DPF3: variants seen among roughly 807,000 people sequenced by gnomAD.
DPF3 encodes zinc finger protein DPF3.
Under a neutral mutation model 56.8 loss-of-function variants are expected in DPF3, and 18 were observed. That is an observed-to-expected ratio of 0.32 (90% confidence interval 0.22 to 0.47). The LOEUF is 0.47. Among genes scored for constraint, DPF3 ranks in the 20% least tolerant of loss-of-function variants. The probability of loss-of-function intolerance (pLI) is 1.00; values close to 1 mark genes in which losing one functional copy is unlikely to be tolerated. For missense variants in DPF3, 403 were observed against 488.8 expected (o/e 0.82, Z 1.65); for synonymous variants, 188 against 180.2 (o/e 1.04, Z -0.35).
At position 72,610,114 on chromosome 14, in the gene DPF3, A is replaced by G. The variant is rs1567173157; in HGVS notation, c.*9183T>C. Among the ~76,000 whole-genome samples the G allele has an allele frequency of 6.6e-6, 1 of 152,202 alleles. No homozygotes were observed. On this transcript the variant is annotated 3_prime_UTR_variant, in exon 11 of 11. Coordinates refer to ENST00000556509, the MANE Select transcript of DPF3 (RefSeq NM_001280542.3). ...AAGCATTTTGGAATGATGGGGATAA[A>G]ATGTTGCAGTGGCTTCCCTCTCTGG...
At chr14:72,873,313 C>T (rs1222678839) in intron 1 of DPF3, among the ~76,000 whole-genome samples, 2 of 152,256 alleles carry the variant, frequency 1.3e-5, no homozygotes, top group Non-Finnish European at 2.9e-5. Context: ...CCAAAAGACA[C>T]ATGAAACAAT....
intron 8 of DPF3, among the ~76,000 whole-genome samples, chr14:72,656,782 A>G (rs2153568934): frequency 6.6e-6 from 1 of 152,320 alleles, no homozygotes; most frequent in African/African-American, 2.4e-5. Flanking sequence ...TAACTTAGCA[A>G]TAAACCCCGC....
At chr14:72,635,862 A>G (rs1460224709) in intron 8 of DPF3, among the ~76,000 whole-genome samples, 1 of 152,232 alleles carries the variant, frequency 6.6e-6, no homozygotes, top group Non-Finnish European at 1.5e-5. Context: ...TTAGGGCTCC[A>G]GGAAAAAAAA....
At chr14:72,674,391 C>T (rs780345851) in intron 7 of DPF3, 23 bp from the exon 8 acceptor site, 1 of 1,607,556 alleles carries the variant, frequency 6.2e-7, no homozygotes, top group African/African-American at 1.3e-5. Flanking sequence ...TTAAAACATT[C>T]CAATTTCAGG....
intron 1 of DPF3, among the ~76,000 whole-genome samples, chr14:72,829,387 A>G (rs1195391662): frequency 6.6e-6 from 1 of 152,048 alleles, no homozygotes; most frequent in East Asian, 1.9e-4. Flanking sequence ...TCCCTAATAA[A>G]CAGTTTTTTG....
intron 4 of DPF3, among the ~76,000 whole-genome samples, chr14:72,728,755 T>C (rs73300201): frequency 0.024 from 3,616 of 152,226 alleles, 125 homozygotes; most frequent in African/African-American, 0.083. Context: ...TGGCAACGGA[T>C]CCTGCCCTCG....
Position 72,863,975 on chromosome 14 carries a change from G to A in DPF3, c.32+30082C>T, listed in dbSNP as rs369101661. The stretch of plus-strand genomic sequence containing the variant: ...GTCACAGAAGCAAAGGCCTGGAGGT[G>A]GGAAGCCCATGGTGGGATGTGATTC... On this transcript the variant is annotated intron_variant, in intron 1 of 10. Transcript: ENST00000556509. 2.6e-5 allele frequency among the ~76,000 whole-genome samples: 4 copies of A among 152,292 alleles called. No homozygotes were observed. In the East Asian group the frequency reaches 7.7e-4, roughly 29 times the overall value.
At chr14:72,707,317 T>C (rs1447398307) in intron 6 of DPF3, among the ~76,000 whole-genome samples, 1 of 152,122 alleles carries the variant, frequency 6.6e-6, no homozygotes, top group Non-Finnish European at 1.5e-5. Flanking sequence ...AGCAGCATGA[T>C]TTATAGTCCT....
chr14:72,870,538 A>G (rs1010293639), intron 1 of DPF3, among the ~76,000 whole-genome samples: 3 of 152,246 alleles, frequency 2.0e-5, no homozygotes, highest in African/African-American at 7.2e-5. Context: ...GTGCTCCTGG[A>G]CAAAGCATGC....
At chr14:72,750,474 C>T (rs528004034) in intron 3 of DPF3, among the ~76,000 whole-genome samples, 1 of 151,906 alleles carries the variant, frequency 6.6e-6, no homozygotes, top group East Asian at 1.9e-4. Context: ...ATAATAAAAC[C>T]CTTTAAATTG....
chr14:72,741,432 TGCAGA>T (rs1890117436), intron 3 of DPF3, among the ~76,000 whole-genome samples: 1 of 152,232 alleles, frequency 6.6e-6, no homozygotes, highest in Non-Finnish European at 1.5e-5. Context: ...CCTGTCCTCC[TGCAGA>T]GCAAGGATAT....
intron 7 of DPF3, chr14:72,675,322 TTC>T (rs1185772138): frequency 6.6e-6 from 1 of 152,220 alleles, no homozygotes; most frequent in African/African-American, 2.4e-5. Flanking sequence ...ACTTCCCTTT[TTC>T]TGTTTCTCCC....
At chr14:72,668,038 C>T (rs1886511431) in intron 8 of DPF3, among the ~76,000 whole-genome samples, 1 of 152,144 alleles carries the variant, frequency 6.6e-6, no homozygotes, top group South Asian at 2.1e-4. Flanking sequence ...TGGGAGTAGT[C>T]ATGAGGATTA....
At chr14:72,821,832 C>T (rs565645012) in intron 1 of DPF3, among the ~76,000 whole-genome samples, 1 of 112,554 alleles carries the variant, frequency 8.9e-6, no homozygotes, top group South Asian at 3.5e-4. Flanking sequence ...ATGGCGAGAG[C>T]TCATCTCCAC....
chr14:72,754,087 G>A (rs1890690656), intron 2 of DPF3, among the ~76,000 whole-genome samples: 1 of 152,012 alleles, frequency 6.6e-6, no homozygotes, highest in Non-Finnish European at 1.5e-5. Context: ...GACACCAACA[G>A]CATCACTGTC....
intron 1 of DPF3, among the ~76,000 whole-genome samples, chr14:72,824,345 T>C (rs984954837): frequency 3.3e-5 from 5 of 152,130 alleles, no homozygotes; most frequent in Non-Finnish European, 7.3e-5. Flanking sequence ...TGGGGCAAGC[T>C]AAGGACACTT....
At chr14:72,860,345 T>A (rs1277484607) in intron 1 of DPF3, among the ~76,000 whole-genome samples, 1 of 151,634 alleles carries the variant, frequency 6.6e-6, no homozygotes, top group East Asian at 1.9e-4. Flanking sequence ...AACATGCCTG[T>A]CTTATTTTGT....
intron 1 of DPF3, among the ~76,000 whole-genome samples, chr14:72,872,404 T>G (rs1817702798): frequency 6.6e-6 from 1 of 152,214 alleles, no homozygotes; most frequent in African/African-American, 2.4e-5. Context: ...GGTTTTTCTT[T>G]TCTATCACCT....
intron 1 of DPF3, among the ~76,000 whole-genome samples, chr14:72,795,427 T>C (rs1892610566): frequency 6.6e-6 from 1 of 151,928 alleles, no homozygotes; most frequent in African/African-American, 2.4e-5. Flanking sequence ...GAAGCTCATC[T>C]GTGTGAACTT....
Sources: gnomAD v4.1 joint callset for allele counts (sites outside exome capture counted in the v4.1 genomes callset) on GRCh38, gnomAD v4.1.1 for gene constraint, MANE v1.5 for transcripts, NCBI Gene and HGNC (gene_info 2026-07-23, HGNC 2026-07-21) for gene names.